The following IQCM variants were observed in gnomAD, a reference collection of about 807,000 sequenced individuals.
The protein encoded by IQCM is IQ motif containing M.
In IQCM, 45 loss-of-function variants were observed where a neutral mutation model predicts 57.6. The ratio of observed to expected loss-of-function variants is 0.78; its 90% CI spans 0.62 to 1.00. The LOEUF is 1.00. Ranked by LOEUF, IQCM falls within the 50% of genes least tolerant of loss-of-function variation. The pLI is 0.00. For synonymous variants in IQCM, 148 were observed against 158.9 expected, an observed-to-expected ratio of 0.93 and a Z score of 0.51; for missense variants, 468 against 511.6, an observed-to-expected ratio of 0.91 and a Z score of 0.82.
intron 2 of IQCM, among the ~76,000 whole-genome samples, chr4:149,807,402 C>T (rs1774185908): frequency 6.6e-6 from 1 of 151,958 alleles, no homozygotes; most frequent in South Asian, 2.1e-4. Flanking sequence ...AAGCTAGATA[C>T]TCATCTTTTG....
At chr4:149,620,039 C>T (rs533376961) in intron 8 of IQCM, among the ~76,000 whole-genome samples, 28 of 152,234 alleles carry the variant, frequency 1.8e-4, no homozygotes, top group South Asian at 4.1e-4. Context: ...CATCGGTAAT[C>T]CCAGCTACTC....
At chr4:149,435,120 A>C (rs2111287704) in intron 12 of IQCM, among the ~76,000 whole-genome samples, 1 of 152,188 alleles carries the variant, frequency 6.6e-6, no homozygotes. Flanking sequence ...TATTAGAGTT[A>C]TTTTACCCCT....
intron 12 of IQCM, among the ~76,000 whole-genome samples, chr4:149,532,404 T>A (rs1560958015): frequency 6.6e-6 from 1 of 151,836 alleles, no homozygotes; most frequent in Non-Finnish European, 1.5e-5. Context: ...TACTCATGAA[T>A]AAGAAAGTAT....
chr4:149,553,548 C>G (rs1749243522), intron 10 of IQCM, among the ~76,000 whole-genome samples: 1 of 152,186 alleles, frequency 6.6e-6, no homozygotes, highest in African/African-American at 2.4e-5. Context: ...TTCACAGACA[C>G]TTCCTATACT....
chr4:149,796,832 T>C (rs1773158094), intron 2 of IQCM, among the ~76,000 whole-genome samples: 1 of 152,140 alleles, frequency 6.6e-6, no homozygotes, highest in Non-Finnish European at 1.5e-5. Context: ...ACCTCTATGA[T>C]TTTGCAAGAA....
Position 149,550,939 on chromosome 4 carries a change from T to C in IQCM, c.1093+2204A>G, listed in dbSNP as rs567748803. Among the ~76,000 whole-genome samples the C allele has an allele frequency of 6.6e-5, 10 of 152,350 alleles. No individual in the cohort carries two copies. The East Asian group carries it at 1.9e-3, about 29-fold the overall frequency. On this transcript the variant is annotated intron_variant, in intron 11 of 13. Transcript: ENST00000636793. ...TGGACAGACCACCATCTGTCCTAAC[T>C]GGACTCCTTTATTCTGTTTTTGCCA...
chr4:149,395,717 A>T (rs777437113), intron 13 of IQCM, among the ~76,000 whole-genome samples: 9 of 152,008 alleles, frequency 5.9e-5, no homozygotes, highest in Non-Finnish European at 1.2e-4. Flanking sequence ...GGAGACAGGA[A>T]CATATTTTGG....
At chr4:149,705,555 C>T (rs1028144420) in intron 5 of IQCM, among the ~76,000 whole-genome samples, 11 of 151,522 alleles carry the variant, frequency 7.3e-5, no homozygotes, top group Admixed American at 5.3e-4. Context: ...TTGCCATAAA[C>T]GTCAAAATAG....
At chr4:149,530,999 T>C (rs1746691635) in intron 12 of IQCM, among the ~76,000 whole-genome samples, 1 of 152,094 alleles carries the variant, frequency 6.6e-6, no homozygotes, top group African/African-American at 2.4e-5. Context: ...TGGAACTTAT[T>C]TGCAAGGATG....
intron 12 of IQCM, among the ~76,000 whole-genome samples, chr4:149,486,417 C>A (rs1038494199): frequency 1.3e-5 from 2 of 152,154 alleles, no homozygotes; most frequent in Admixed American, 1.3e-4. Flanking sequence ...CCTGTTGCCA[C>A]CACCACCACC....
intron 7 of IQCM, among the ~76,000 whole-genome samples, chr4:149,647,032 T>C (rs1468612336): frequency 6.6e-6 from 1 of 152,162 alleles, no homozygotes; most frequent in African/African-American, 2.4e-5. Flanking sequence ...TTCTAATTTG[T>C]CTTTTCTCTT....
chr4:149,436,586 T>C (rs1329659626), intron 12 of IQCM, among the ~76,000 whole-genome samples: 4 of 152,114 alleles, frequency 2.6e-5, no homozygotes, highest in Non-Finnish European at 5.9e-5. Context: ...AATAAACATT[T>C]TCTCATTTCA....
At chr4:149,580,617 G>C (rs1329599333) in intron 9 of IQCM, among the ~76,000 whole-genome samples, 2 of 151,780 alleles carry the variant, frequency 1.3e-5, no homozygotes, top group Non-Finnish European at 2.9e-5. Flanking sequence ...ACAAGGTAGG[G>C]AACTATAGGC....
At chr4:149,582,537 G>T (rs1432692900) in intron 9 of IQCM, among the ~76,000 whole-genome samples, 1 of 150,670 alleles carries the variant, frequency 6.6e-6, no homozygotes, top group Non-Finnish European at 1.5e-5. Flanking sequence ...GATGACACTT[G>T]AATTGAGGTA....
chr4:149,790,130 C>T (rs955231454), intron 2 of IQCM: 1 of 648,528 alleles, frequency 1.5e-6, no homozygotes, highest in Non-Finnish European at 2.5e-6. Flanking sequence ...TACTCTATGG[C>T]AGGTTGGAAT....
chr4:149,443,062 A>G (rs1736133678), intron 12 of IQCM, among the ~76,000 whole-genome samples: 1 of 151,854 alleles, frequency 6.6e-6, no homozygotes, highest in African/African-American at 2.4e-5. Flanking sequence ...TAAGTCCACA[A>G]AGCAGGCCAC....
At chr4:149,729,394 C>G (rs894315937) in intron 5 of IQCM, among the ~76,000 whole-genome samples, 26 of 151,934 alleles carry the variant, frequency 1.7e-4, no homozygotes, top group Admixed American at 4.6e-4. Context: ...ATCTGTTAGG[C>G]TTTTTAATCT....
intron 13 of IQCM, among the ~76,000 whole-genome samples, chr4:149,360,790 G>A (rs1239358263): frequency 6.6e-6 from 1 of 152,058 alleles, no homozygotes; most frequent in Non-Finnish European, 1.5e-5. Flanking sequence ...GTCTTTATTA[G>A]CAGGGTGAAA....
intron 5 of IQCM, among the ~76,000 whole-genome samples, chr4:149,699,540 A>G (rs1446267633): frequency 4.6e-5 from 7 of 151,930 alleles, no homozygotes; most frequent in African/African-American, 1.7e-4. Context: ...AGATAGAGGC[A>G]TATATCCCTA....
Sources: gnomAD v4.1 joint callset for allele counts (sites outside exome capture counted in the v4.1 genomes callset) on GRCh38, gnomAD v4.1.1 for gene constraint, MANE v1.5 for transcripts, NCBI Gene and HGNC (gene_info 2026-07-23, HGNC 2026-07-21) for gene names.